The following RSKR variants were observed in gnomAD, a reference collection of about 807,000 sequenced individuals.
The protein encoded by RSKR is ribosomal protein S6 kinase related.
RSKR carries 44 observed loss-of-function variants against 56.8 expected under a neutral mutation model. That is an observed-to-expected ratio of 0.77 (90% CI 0.61 to 1.00). The LOEUF (loss-of-function observed/expected upper bound fraction) is 1.00, where lower values mean the gene tolerates loss of function less well. Ranked by LOEUF, RSKR falls within the 50% of genes least tolerant of loss-of-function variation. The probability of loss-of-function intolerance (pLI) is 0.00; values close to 1 mark genes in which losing one functional copy is unlikely to be tolerated. For synonymous variants in RSKR, 181 were observed against 188.0 expected (o/e 0.96, Z 0.30); for missense variants, 510 against 506.9 (o/e 1.01, Z -0.06).
rs762429834 is a variant in RSKR at position 28,613,124 on chromosome 17, A to G, written c.431T>C (p.Leu144Pro). 2.5e-6 allele frequency: 4 copies of G among 1,614,054 alleles called. No individual in the cohort carries two copies. Among genetic ancestry groups the G allele is most frequent in the African/African-American group, 2.7e-5 (2 of 75,020 alleles). The stretch of plus-strand genomic sequence containing the variant: ...GCACTGCCTCACGGTATCCCTCTGT[A>G]GGACCTTTACCTTGGGCACCACCTA... Reference protein sequence around the residue: ...AVKVVPKVKVLQRDTVRQCKE... With the variant: ...AVKVVPKVKVPQRDTVRQCKE... Residue 144 changes from leucine (L) to proline (P), a missense_variant, in exon 4 of 12, where the codon CTA (leucine) becomes CCA (proline). Physicochemically the swap from Leu to Pro is moderately conservative, Grantham distance 98 (BLOSUM62 -3). Coordinates refer to ENST00000301037, the MANE Select transcript of RSKR (RefSeq NM_001174103.2).
At chr17:28,611,512 A>C in intron 9 of RSKR, 31 bp from the exon 10 acceptor site, 1 of 1,578,550 alleles carries the variant, frequency 6.3e-7, no homozygotes, top group South Asian at 1.2e-5. Flanking sequence ...CATCACAGAC[A>C]TCCTTTAGCT....
At position 28,613,336 on chromosome 17, in the gene RSKR, G is replaced by C. The variant is rs773800167; in HGVS notation, c.334C>G (p.Leu112Val). Reference sequence around the variant, plus strand: ...GTTCCAAAGGAGCCTTTAGCCACGAGGCCTAAAATCTGTACAGAGGAATGG... The same window carrying C: ...GTTCCAAAGGAGCCTTTAGCCACGACGCCTAAAATCTGTACAGAGGAATGG... ...RGQQQLKILG[L>V]VAKGSFGTVL... The change falls in exon 3 of 12, where the codon CTC becomes GTC. Residue 112 changes from leucine (L) to valine (V), a missense_variant. Transcript: ENST00000301037. 18 of 1,614,188 alleles carry C rather than the reference G, an allele frequency of 1.1e-5. No individual in the cohort carries two copies. Among genetic ancestry groups the C allele is most frequent in the South Asian group, 2.2e-5 (2 of 91,088 alleles).
intron 9 of RSKR, 39 bp downstream of exon 9, chr17:28,611,528 C>G (rs772561694): frequency 1.1e-5 from 17 of 1,569,980 alleles, no homozygotes; most frequent in Non-Finnish European, 1.5e-5. Flanking sequence ...TAGCTATCCT[C>G]CTGCCCAATG....
intron 11 of RSKR, 115 bp downstream of exon 11, chr17:28,611,028 A>T: frequency 1.1e-6 from 1 of 911,660 alleles, no homozygotes; most frequent in Non-Finnish European, 1.7e-6. Context: ...TTAGGTAGTT[A>T]AGTTGGAGCC....
At chr17:28,612,509 G>C (rs1203110074) in intron 5 of RSKR, 109 bp downstream of exon 5, 4 of 1,399,758 alleles carry the variant, frequency 2.9e-6, no homozygotes, top group South Asian at 1.2e-5. Flanking sequence ...ACAGAGAGGT[G>C]CCATGAGAAG....
intron 1 of RSKR, 167 bp from the exon 2 acceptor site, chr17:28,613,855 T>G: frequency 9.0e-7 from 1 of 1,114,324 alleles, no homozygotes; most frequent in Non-Finnish European, 1.2e-6. Flanking sequence ...CCAGATTTCC[T>G]GGGCACAATT....
Position 28,608,782 on chromosome 17 carries a change from TAATA to T in RSKR, c.*1692_*1695del. Reference sequence around the variant, plus strand: ...ATCTGGCTCAATCTAGAGACAAAATTAATAAATAGAACTAAAGAGTACTCTCCAG... The same window carrying T: ...ATCTGGCTCAATCTAGAGACAAAATTAATAGAACTAAAGAGTACTCTCCAG... On this transcript the variant is annotated 3_prime_UTR_variant, in exon 12 of 12. Coordinates refer to ENST00000301037, the MANE Select transcript of RSKR (RefSeq NM_001174103.2). The T allele has an allele frequency of 6.6e-6, 1 of 152,216 alleles. No homozygotes were observed. Among genetic ancestry groups the T allele is most frequent in the Middle Eastern group, 3.4e-3 (1 of 294 alleles). 9.4% of individuals were successfully genotyped at this position (152,216 alleles called of 1,614,324 possible). A position where few individuals can be genotyped will look rare whatever the true frequency, so the allele number is the denominator to read the frequency against.
Position 28,613,696 on chromosome 17 carries a change from C to A in RSKR, c.76-8G>T. ...CCGGATGTTGCCACCCTGCTGAGAA[C>A]CAAGGGAGCCACTCTAAACTTTCTG... On this transcript the variant is annotated splice_polypyrimidine_tract_variant and splice_region_variant and intron_variant, in intron 1 of 11. Transcript: ENST00000301037. The A allele has an allele frequency of 6.2e-7, 1 of 1,613,564 alleles. No homozygotes were observed. The highest frequency in any genetic ancestry group is 8.5e-7 in the Non-Finnish European group (1 of 1,179,862).
intron 10 of RSKR, 42 bp downstream of exon 10, chr17:28,611,351 G>A (rs1290748369): frequency 6.5e-7 from 1 of 1,537,294 alleles, no homozygotes; most frequent in Non-Finnish European, 8.7e-7. Flanking sequence ...CCCACCACAA[G>A]GCAAAGCTCT....
In RSKR at chr17:28,610,694, TAA is replaced by T. The variant is rs1464665580; in HGVS notation, c.1015_1016del (p.Leu339MetfsTer55). 2 of 1,535,908 alleles carry T rather than the reference TAA, an allele frequency of 1.3e-6. No homozygotes were observed. The highest frequency in any genetic ancestry group is 4.9e-5 in the East Asian group (2 of 40,906). ...GTAGACGATGGAGGGGGTTCTGGCA[TAA>T]GAGCTGAAGGAAAATAGAGCATGAA... is the stretch of plus-strand genomic sequence containing the variant. ...QGLSLLLHEL[L>X]CQNPLHRLRY... On this transcript the variant is annotated frameshift_variant, in exon 12 of 12. Coordinates refer to ENST00000301037, the MANE Select transcript of RSKR (RefSeq NM_001174103.2). LOFTEE classifies it high-confidence loss of function.
chr17:28,610,927 T>C, intron 11 of RSKR: 2 of 652,186 alleles, frequency 3.1e-6, no homozygotes, highest in Non-Finnish European at 5.2e-6. Context: ...TTCCACTCTC[T>C]CAGAAGGGAC....
At chr17:28,611,524 T>A in intron 9 of RSKR, 43 bp from the exon 10 acceptor site, 18 of 1,573,014 alleles carry the variant, frequency 1.1e-5, no homozygotes, top group Non-Finnish European at 1.4e-5. Context: ...CCTTTAGCTA[T>A]CCTCCTGCCC....
intron 5 of RSKR, 101 bp from the exon 6 acceptor site, chr17:28,612,467 C>G: frequency 7.2e-7 from 1 of 1,380,044 alleles, no homozygotes; most frequent in South Asian, 1.2e-5. Context: ...CCTGCCCAAA[C>G]TGATACCACC....
In RSKR at chr17:28,612,673, A is replaced by T; in HGVS notation, c.492T>A (p.His164Gln). 1 of 1,614,196 alleles carries T rather than the reference A, an allele frequency of 6.2e-7. No individual in the cohort carries two copies. The highest frequency in any genetic ancestry group is 8.5e-7 in the Non-Finnish European group (1 of 1,180,020). Residue 164 changes from histidine to glutamine, a missense_variant, in exon 5 of 12, where the codon CAT becomes CAA. Coordinates refer to ENST00000301037, the MANE Select transcript of RSKR (RefSeq NM_001174103.2). ...EEVSIQRQINHPFVHSLGDSW... is the reference protein window; with the variant it reads ...EEVSIQRQINQPFVHSLGDSW... ...TGTCCCCCAAGCTGTGTACAAAGGG[A>T]TGGTTGATCTGTCGCTAGGAACAAA...
Position 28,612,379 on chromosome 17 carries a change from T to C in RSKR, c.548-13A>G. On this transcript the variant is annotated splice_polypyrimidine_tract_variant and intron_variant, in intron 5 of 11. Coordinates refer to ENST00000301037, the MANE Select transcript of RSKR (RefSeq NM_001174103.2). ...CAGTAGCTACACACTGCAAAGCCAG[T>C]GTGGAGCTACATACATTGCCAGAAG... 2 of 1,612,796 alleles carry C rather than the reference T, an allele frequency of 1.2e-6. No homozygotes were observed. Among genetic ancestry groups the C allele is most frequent in the East Asian group, 2.2e-5 (1 of 44,862 alleles).
In RSKR at chr17:28,613,493, G is replaced by A. The variant is rs527636188; in HGVS notation, c.271C>T (p.Leu91Phe). ...CTAATGGGAAACTCTGGTAGAAAGA[G>A]GTTGATGAACTGAGGCACTGGCCAC... ...PEWPVPQFIN[L>F]FLPEFPIRPI... Residue 91 changes from leucine (L) to phenylalanine (F), a missense_variant, in exon 2 of 12, where the codon CTC becomes TTC. Leu to Phe is a conservative substitution (Grantham distance 22). Transcript: ENST00000301037. 2.5e-6 allele frequency: 4 copies of A among 1,614,196 alleles called. No individual in the cohort carries two copies. In the South Asian group the frequency reaches 4.4e-5, roughly 18 times the overall value.
Position 28,611,229 on chromosome 17 carries a change from G to T in RSKR, c.925C>A (p.His309Asn), listed in dbSNP as rs1265699444. 6.5e-7 allele frequency: 1 copy of T among 1,536,238 alleles called. No individual in the cohort carries two copies. Residue 309 changes from histidine to asparagine, a missense_variant, in exon 11 of 12, where the codon CAT (histidine) becomes AAT (asparagine). Coordinates refer to ENST00000301037, the MANE Select transcript of RSKR (RefSeq NM_001174103.2). ...GTCACACTTGCCAACATGGCCACAT[G>T]ATCTCTCTCTGCAGCCACTGGAAAC... is the stretch of plus-strand genomic sequence containing the variant. ...GKFPVAAERD[H>N]VAMLASVTHS...
Position 28,614,176 on chromosome 17 carries a change from T to C in RSKR, c.-15A>G. ...ACTGCTCCCATTCCCAGCCTCTGCCTCCTCTCTCTGCTAAATCTGCTGTCC... is the reference window on the plus strand; with the variant it reads ...ACTGCTCCCATTCCCAGCCTCTGCCCCCTCTCTCTGCTAAATCTGCTGTCC... On this transcript the variant is annotated 5_prime_UTR_variant, in exon 1 of 12. Transcript: ENST00000301037. 1 of 1,612,894 alleles carries C rather than the reference T, an allele frequency of 6.2e-7. No homozygotes were observed. The highest frequency in any genetic ancestry group is 8.5e-7 in the Non-Finnish European group (1 of 1,179,928).
chr17:28,610,684 G>T lies in RSKR; in HGVS notation c.1027C>A (p.Pro343Thr). ...LLLHELLCQN[P>T]LHRLRYLHHF... ...TGCAGATAACGTAGACGATGGAGGGGGTTCTGGCATAAGAGCTGAAGGAAA... is the reference window on the plus strand; with the variant it reads ...TGCAGATAACGTAGACGATGGAGGGTGTTCTGGCATAAGAGCTGAAGGAAA... Residue 343 changes from proline (P) to threonine (T), a missense_variant, in exon 12 of 12, where the codon CCC becomes ACC. Pro to Thr is a conservative substitution (Grantham distance 38). Transcript: ENST00000301037. The T allele has an allele frequency of 6.5e-7, 1 of 1,536,170 alleles. No individual in the cohort carries two copies.
Sources: gnomAD v4.1 joint callset for allele counts on GRCh38, gnomAD v4.1.1 for gene constraint, MANE v1.5 for transcripts, NCBI Gene and HGNC (gene_info 2026-07-23, HGNC 2026-07-21) for gene names.